AK5: variants seen among roughly 807,000 people sequenced by gnomAD.
AK5 encodes the protein adenylate kinase 5.
Under a neutral mutation model 69.5 loss-of-function variants are expected in AK5, and 27 were observed. That is an observed-to-expected ratio of 0.39 (90% CI 0.29 to 0.54). The LOEUF is 0.54. AK5 is among the 20% of genes least tolerant of loss of function. The pLI, the probability that AK5 is intolerant of heterozygous loss-of-function variation, is 0.71. For synonymous variants in AK5, 260 were observed against 244.4 expected (o/e 1.06, Z -0.60); for missense variants, 531 against 700.4 (o/e 0.76, Z 2.73).
At chr1:77,483,553 C>T (rs953773097) in intron 9 of AK5, among the ~76,000 whole-genome samples, 194 bp downstream of exon 9, 1 of 152,094 alleles carries the variant, frequency 6.6e-6, no homozygotes, top group Non-Finnish European at 1.5e-5. Context: ...GGGTGCATTG[C>T]TAAGTGATGC....
At chr1:77,499,450 C>T (rs1370277916) in intron 10 of AK5, among the ~76,000 whole-genome samples, 3 of 152,200 alleles carry the variant, frequency 2.0e-5, no homozygotes, top group Admixed American at 1.3e-4. Context: ...AAGTGGATCA[C>T]GCGTTACTGC....
intron 5 of AK5, among the ~76,000 whole-genome samples, chr1:77,306,482 A>AG (rs1553129846): frequency 0.14 from 6,510 of 45,992 alleles, 224 homozygotes; most frequent in South Asian, 0.29. Context: ...TCAATTTGCT[A>AG]GGTTTTTTTT....
intron 10 of AK5, among the ~76,000 whole-genome samples, chr1:77,505,546 T>C (rs988768519): frequency 1.3e-5 from 2 of 152,182 alleles, no homozygotes; most frequent in African/African-American, 4.8e-5. Flanking sequence ...CATATATTTC[T>C]TTCCCAGTGG....
chr1:77,358,379 A>G (rs1662660467), intron 6 of AK5, among the ~76,000 whole-genome samples: 1 of 152,208 alleles, frequency 6.6e-6, no homozygotes, highest in African/African-American at 2.4e-5. Flanking sequence ...TTCAAATTAG[A>G]AAACACGTGA....
chr1:77,439,011 C>T (rs866998046), intron 8 of AK5, among the ~76,000 whole-genome samples: 3 of 152,056 alleles, frequency 2.0e-5, no homozygotes, highest in Non-Finnish European at 2.9e-5. Flanking sequence ...ACCAAAAAGG[C>T]GACTCGTAGA....
chr1:77,420,313 A>C (rs1650723032), intron 8 of AK5: 1 of 152,178 alleles, frequency 6.6e-6, no homozygotes, highest in African/African-American at 2.4e-5. Context: ...TAAAATATTA[A>C]AAGTGAAAAT....
At chr1:77,490,782 CT>C (rs374394627) in intron 10 of AK5, among the ~76,000 whole-genome samples, 7,121 of 139,648 alleles carry the variant, frequency 0.051, 211 homozygotes, top group South Asian at 0.1. Flanking sequence ...TTCCTTTTTT[CT>C]TTTTTTTTTT....
chr1:77,391,487 GTGTGTGTGTATATATA>G (rs1259707640), intron 6 of AK5, among the ~76,000 whole-genome samples: 35 of 89,484 alleles, frequency 3.9e-4, no homozygotes, highest in African/African-American at 1.1e-3. Context: ...GTGTGTATGT[GTGTGTGTGTATATATA>G]TATATATATA....
chr1:77,339,208 G>A (rs1661521393), intron 5 of AK5, among the ~76,000 whole-genome samples: 1 of 152,148 alleles, frequency 6.6e-6, no homozygotes, highest in South Asian at 2.1e-4. Context: ...AGTAATTGCG[G>A]CATATGCTTA....
chr1:77,353,081 T>C (rs1662298408), intron 6 of AK5, among the ~76,000 whole-genome samples: 1 of 152,304 alleles, frequency 6.6e-6, no homozygotes, highest in Middle Eastern at 3.4e-3. Context: ...AATTTGTTTC[T>C]AAGAGATGTG....
At chr1:77,379,814 T>C (rs928502903) in intron 6 of AK5, among the ~76,000 whole-genome samples, 2 of 152,240 alleles carry the variant, frequency 1.3e-5, no homozygotes. Context: ...GATTTTAACT[T>C]GTATATTACA....
chr1:77,430,220 T>G, intron 8 of AK5, among the ~76,000 whole-genome samples: 1 of 147,118 alleles, frequency 6.8e-6, no homozygotes. Flanking sequence ...GACACTGGAG[T>G]AAAAAAGGGG....
Position 77,282,463 on chromosome 1 carries a change from C to A in AK5, c.60+90C>A, listed in dbSNP as rs1328015733. 3 of 1,464,234 alleles carry A rather than the reference C, an allele frequency of 2.0e-6. No homozygotes were observed. The Admixed American group carries it at 6.9e-5, about 34-fold the overall frequency. The allele number at this position is 1,464,234 out of a possible 1,614,324, so 90.7% of individuals were successfully genotyped here. A position where few individuals can be genotyped will look rare whatever the true frequency, so the allele number is the denominator to read the frequency against. ...GGCAGCCGCGCCCCGTCCCACCTTC[C>A]CCACACGGGGCATGTAATGAAGGGG... On this transcript the variant is annotated intron_variant, in intron 1 of 13. Transcript: ENST00000354567.
intron 6 of AK5, among the ~76,000 whole-genome samples, chr1:77,379,212 G>C (rs1045022029): frequency 6.6e-6 from 1 of 152,152 alleles, no homozygotes; most frequent in African/African-American, 2.4e-5. Context: ...AGCTTCCGAT[G>C]GCTGTCTTCC....
At chr1:77,357,953 T>C (rs1662619690) in intron 6 of AK5, among the ~76,000 whole-genome samples, 2 of 151,032 alleles carry the variant, frequency 1.3e-5, no homozygotes, top group Non-Finnish European at 2.9e-5. Flanking sequence ...CTAAAAATCT[T>C]ACAGTTCCTT....
intron 8 of AK5, among the ~76,000 whole-genome samples, chr1:77,454,764 T>TAC (rs1653369334): frequency 6.9e-6 from 1 of 144,392 alleles, no homozygotes; most frequent in South Asian, 2.1e-4. Context: ...ACATTAGTCT[T>TAC]ACACATTTTC....
chr1:77,401,384 A>C (rs1649206496), intron 6 of AK5, among the ~76,000 whole-genome samples: 1 of 152,290 alleles, frequency 6.6e-6, no homozygotes, highest in African/African-American at 2.4e-5. Context: ...ATTGGTGGAG[A>C]GCCTGCTTAA....
intron 6 of AK5, among the ~76,000 whole-genome samples, chr1:77,365,649 T>C (rs1646937435): frequency 6.6e-6 from 1 of 152,156 alleles, no homozygotes; most frequent in Non-Finnish European, 1.5e-5. Flanking sequence ...CAGTCCACAA[T>C]AGGGTTCACG....
intron 8 of AK5, among the ~76,000 whole-genome samples, chr1:77,442,611 C>T (rs1030109506): frequency 6.6e-6 from 1 of 152,098 alleles, no homozygotes; most frequent in African/African-American, 2.4e-5. Flanking sequence ...TTCTGTGCTC[C>T]CCGGAGTTTC....
Sources: gnomAD v4.1 joint callset for allele counts (sites outside exome capture counted in the v4.1 genomes callset) on GRCh38, gnomAD v4.1.1 for gene constraint, MANE v1.5 for transcripts, NCBI Gene and HGNC (gene_info 2026-07-23, HGNC 2026-07-21) for gene names.